FDFT1: variants seen among roughly 807,000 people sequenced by gnomAD.
FDFT1 encodes squalene synthase.
In FDFT1, 68 loss-of-function variants were observed where a neutral mutation model predicts 46.8. That is an observed-to-expected ratio of 1.45 (90% CI 1.19 to 1.78). The LOEUF is 1.78. FDFT1 is among the 40% of genes most tolerant of loss of function. The pLI, the probability that FDFT1 is intolerant of heterozygous loss-of-function variation, is 0.00. For synonymous variants in FDFT1, 351 were observed against 185.1 expected (o/e 1.90, Z -7.28); for missense variants, 928 against 524.4 (o/e 1.77, Z -7.52).
At chr8:11,808,461 G>C (rs2130713471) in intron 1 of FDFT1, 1 of 1,268,750 alleles carries the variant, frequency 7.9e-7, no homozygotes, top group Non-Finnish European at 9.9e-7. Flanking sequence ...CTCGTCGGGC[G>C]CTTCCCAGAT....
At chr8:11,819,184 C>G (rs186798284) in intron 3 of FDFT1, among the ~76,000 whole-genome samples, 2 of 152,212 alleles carry the variant, frequency 1.3e-5, no homozygotes, top group Non-Finnish European at 2.9e-5. Flanking sequence ...CCCCCACTCT[C>G]TTCTGGCTAG....
At chr8:11,818,584 C>T (rs1044269651) in intron 3 of FDFT1, among the ~76,000 whole-genome samples, 2 of 152,160 alleles carry the variant, frequency 1.3e-5, no homozygotes, top group African/African-American at 2.4e-5. Flanking sequence ...GTTAGCTCTT[C>T]TTGTTGAATT....
chr8:11,809,589 G>T, intron 2 of FDFT1, 78 bp from the exon 3 acceptor site: 1 of 1,426,462 alleles, frequency 7.0e-7, no homozygotes, highest in East Asian at 2.4e-5. Context: ...TTAGAAAGTG[G>T]CCAGGCACAA....
intron 5 of FDFT1, among the ~76,000 whole-genome samples, chr8:11,827,501 G>C (rs1123140): frequency 0.22 from 32,902 of 150,508 alleles, 4,821 homozygotes; most frequent in East Asian, 0.76. Context: ...CTCGGTGGCA[G>C]AATGAAACTG....
chr8:11,802,189 G>A (rs551427613), upstream of FDFT1: 2 of 437,666 alleles, frequency 4.6e-6, no homozygotes, highest in East Asian at 1.4e-4. Context: ...AGGCGAGCTG[G>A]GCTGTGCTCG....
rs1222229861 is a variant in FDFT1, at chr8:11,809,844, C to G, written c.375C>G (p.Phe125Leu). ...KEKDRQVLED[F>L]PTISLEFRNL... is the part of the protein sequence containing the mutation. ...AGGATCGCCAGGTGCTGGAGGACTT[C>G]CCAACGGTGAGTGGGGTTACGCATC... The change falls in exon 3 of 8, where the codon TTC becomes TTG. Residue 125 changes from phenylalanine to leucine, a missense_variant. Phe to Leu is a conservative substitution (Grantham distance 22). Coordinates refer to ENST00000220584, the MANE Select transcript of FDFT1 (RefSeq NM_004462.5). 3.7e-6 allele frequency: 6 copies of G among 1,612,008 alleles called. No homozygotes were observed. Among genetic ancestry groups the G allele is most frequent in the Admixed American group, 1.7e-5 (1 of 59,808 alleles).
chr8:11,806,133 G>GC (rs939572624), intron 1 of FDFT1, among the ~76,000 whole-genome samples: 3 of 152,158 alleles, frequency 2.0e-5, no homozygotes, highest in African/African-American at 7.2e-5. Flanking sequence ...TGAGGCTGGA[G>GC]CCCCTTCCTG....
rs772209163 is a variant in FDFT1 at position 11,826,111 on chromosome 8, G to A, written c.598G>A (p.Asp200Asn). 1 of 1,610,684 alleles carries A rather than the reference G, an allele frequency of 6.2e-7. No homozygotes were observed. The highest frequency in any genetic ancestry group is 8.5e-7 in the Non-Finnish European group (1 of 1,177,356). Residue 200 changes from aspartate (D) to asparagine (N), a missense_variant, in exon 5 of 8, where the codon GAT (aspartate) becomes AAT (asparagine). Asp to Asn is a conservative substitution (Grantham distance 23). Transcript: ENST00000220584. ...SEFEDPLVGE[D>N]TERANSMGLF... ...GTTTGAAGACCCCTTAGTTGGTGAA[G>A]ATACAGAACGTGCCAACTCTATGGG...
intron 7 of FDFT1, among the ~76,000 whole-genome samples, chr8:11,835,723 A>G (rs1293895793): frequency 2.0e-5 from 3 of 152,216 alleles, no homozygotes; most frequent in Non-Finnish European, 4.4e-5. Flanking sequence ...ATAAAGTCAT[A>G]GGAGCCACAG....
At chr8:11,833,287 C>A (rs902984620) in intron 7 of FDFT1, among the ~76,000 whole-genome samples, 1 of 152,148 alleles carries the variant, frequency 6.6e-6, no homozygotes, top group African/African-American at 2.4e-5. Context: ...ACTTGAGGCC[C>A]CAGCCTCATG....
rs368861156 is a variant in FDFT1 at position 11,803,014 on chromosome 8, C to G, written c.99+83C>G. The G allele has an allele frequency of 2.0e-5, 31 of 1,522,738 alleles. No individual in the cohort carries two copies. In the South Asian group the frequency reaches 2.8e-4, roughly 14 times the overall value. 94.3% of individuals were successfully genotyped at this position (1,522,738 alleles called of 1,614,324 possible). ...AGGGCCTGAGCGGCCGGGCCCGGAT[C>G]TGGGGCAAGGGGCGCGGCGAGCAGG... On this transcript the variant is annotated intron_variant, in intron 1 of 7. Transcript: ENST00000220584.
intron 1 of FDFT1, chr8:11,808,265 C>T (rs995548431): frequency 1.1e-5 from 13 of 1,213,332 alleles, no homozygotes; most frequent in Non-Finnish European, 9.2e-6. Context: ...ACTGGGAGGA[C>T]GAGCGAGCCG....
chr8:11,800,241 CAA>C (rs571009199), upstream of FDFT1, among the ~76,000 whole-genome samples: 50 of 98,426 alleles, frequency 5.1e-4, no homozygotes, highest in African/African-American at 2.0e-3. Flanking sequence ...AGCCTGGCAA[CAA>C]GAGTGAAATT....
chr8:11,818,236 T>C (rs1352389975), intron 3 of FDFT1, among the ~76,000 whole-genome samples: 8 of 152,250 alleles, frequency 5.3e-5, no homozygotes, highest in South Asian at 2.1e-4. Context: ...AAGTTTGTTG[T>C]AATTTCTGTT....
intron 5 of FDFT1, among the ~76,000 whole-genome samples, chr8:11,826,549 C>G (rs974713428): frequency 1.3e-5 from 2 of 152,246 alleles, no homozygotes; most frequent in Admixed American, 6.5e-5. Context: ...CGCAGTGGCT[C>G]ATGCCTGTAA....
At chr8:11,827,669 T>C (rs115888200) in intron 5 of FDFT1, among the ~76,000 whole-genome samples, 1,990 of 152,208 alleles carry the variant, frequency 0.013, 46 homozygotes, top group African/African-American at 0.045. Flanking sequence ...AACAAGATAG[T>C]TCACAGGAAG....
chr8:11,814,017 G>C (rs757065495), intron 3 of FDFT1, among the ~76,000 whole-genome samples: 3 of 152,168 alleles, frequency 2.0e-5, no homozygotes, highest in Non-Finnish European at 4.4e-5. Context: ...ATAAAAAGTC[G>C]TTGGAAGGAT....
chr8:11,812,740 A>T (rs1332395020), intron 3 of FDFT1, among the ~76,000 whole-genome samples: 1 of 152,208 alleles, frequency 6.6e-6, no homozygotes, highest in East Asian at 1.9e-4. Flanking sequence ...ATAAGCCTCA[A>T]TACAGTGTTC....
At chr8:11,805,333 C>G (rs1806693744) in intron 1 of FDFT1, among the ~76,000 whole-genome samples, 1 of 152,152 alleles carries the variant, frequency 6.6e-6, no homozygotes, top group Admixed American at 6.5e-5. Context: ...TTGATTTACA[C>G]TGAATTTTTA....
Sources: gnomAD v4.1 joint callset for allele counts (sites outside exome capture counted in the v4.1 genomes callset) on GRCh38, gnomAD v4.1.1 for gene constraint, MANE v1.5 for transcripts, NCBI Gene and HGNC (gene_info 2026-07-23, HGNC 2026-07-21) for gene names.